The following TRPM3 variants were observed in gnomAD, a reference collection of about 807,000 sequenced individuals.
The protein encoded by TRPM3 is long transient receptor potential channel 3.
Under a neutral mutation model 181.2 loss-of-function variants are expected in TRPM3, and 77 were observed. That is an observed-to-expected ratio of 0.42 (90% CI 0.35 to 0.51). The LOEUF (loss-of-function observed/expected upper bound fraction) is 0.51, where lower values mean the gene tolerates loss of function less well. TRPM3 is among the 20% of genes least tolerant of loss of function. TRPM3 has a pLI of 0.01. For missense variants in TRPM3, 1,759 were observed against 2,196.7 expected, an observed-to-expected ratio of 0.80 and a Z score of 3.98; for synonymous variants, 745 against 796.4, an observed-to-expected ratio of 0.94 and a Z score of 1.09.
chr9:70,867,455 T>A (rs1263848140), intron 1 of TRPM3, among the ~76,000 whole-genome samples: 1 of 152,054 alleles, frequency 6.6e-6, no homozygotes, highest in Non-Finnish European at 1.5e-5. Context: ...AGTAATTTAA[T>A]TTGTGTGTAG....
chr9:70,586,185 C>T (rs1018533744), intron 22 of TRPM3, among the ~76,000 whole-genome samples: 2 of 152,208 alleles, frequency 1.3e-5, no homozygotes, highest in Non-Finnish European at 2.9e-5. Flanking sequence ...TCAATGGCAG[C>T]TTGCCTTTCC....
chr9:70,539,279 G>A (rs1317025107), intron 25 of TRPM3, among the ~76,000 whole-genome samples: 7 of 152,268 alleles, frequency 4.6e-5, no homozygotes. Flanking sequence ...CAAGAGGCAT[G>A]TGGATCTCTG....
At chr9:71,162,028 C>G (rs1230273869) in intron 1 of TRPM3, among the ~76,000 whole-genome samples, 2 of 151,226 alleles carry the variant, frequency 1.3e-5, no homozygotes, top group African/African-American at 4.9e-5. Context: ...ATGGTGAAAC[C>G]CCGTCTCTAC....
intron 9 of TRPM3, among the ~76,000 whole-genome samples, chr9:70,668,651 C>A (rs866097904): frequency 1.9e-4 from 22 of 116,062 alleles, no homozygotes; most frequent in African/African-American, 6.8e-4. Context: ...GGCGACAGAG[C>A]GAGACTCCGT....
At position 71,238,137 on chromosome 9, in the gene TRPM3, GT is replaced by G. The variant is rs111714974; in HGVS notation, c.183+208515del. On this transcript the variant is annotated intron_variant, in intron 1 of 24. Coordinates refer to the TRPM3 transcript ENST00000357533. ...ACCTCTTCTGCATTTCTAAAAAGTA[GT>G]TTTTTTTCTATGAAAAAACGCAGCA... 1.1e-3 allele frequency among the ~76,000 whole-genome samples: 162 copies of G among 151,950 alleles called. 1 individual carries two copies. The highest frequency in any genetic ancestry group is 7.3e-3 in the South Asian group (35 of 4,782).
chr9:70,750,190 C>T (rs2075878658), intron 8 of TRPM3, among the ~76,000 whole-genome samples: 1 of 152,106 alleles, frequency 6.6e-6, no homozygotes, highest in South Asian at 2.1e-4. Flanking sequence ...TAGCTGGATG[C>T]TCGCAGTTTC....
chr9:70,586,498 C>G (rs2057154602), intron 22 of TRPM3, among the ~76,000 whole-genome samples: 2 of 152,182 alleles, frequency 1.3e-5, no homozygotes, highest in South Asian at 4.1e-4. Flanking sequence ...AGCTGGCTTT[C>G]AGGGACAGAA....
Position 71,256,173 on chromosome 9 carries a change from CT to C in TRPM3, c.183+190479del, listed in dbSNP as rs780207314. 5.9e-5 allele frequency among the ~76,000 whole-genome samples: 9 copies of C among 152,182 alleles called. No individual in the cohort carries two copies. In the East Asian group the frequency reaches 1.2e-3, roughly 20 times the overall value. ...TGCTCAACATTTGATTGGAGAGCATCTTTTTGAGGAGGAAATGGAGTTGGAA... is the reference window on the plus strand; with the variant it reads ...TGCTCAACATTTGATTGGAGAGCATCTTTTGAGGAGGAAATGGAGTTGGAA... On this transcript the variant is annotated intron_variant, in intron 1 of 24. Transcript: ENST00000357533.
chr9:71,444,926 A>G (rs2131696619), intron 1 of TRPM3, among the ~76,000 whole-genome samples: 1 of 152,378 alleles, frequency 6.6e-6, no homozygotes, highest in South Asian at 2.1e-4. Flanking sequence ...TGTGAGAATA[A>G]GCACAGGCTT....
At chr9:71,198,966 T>C (rs2078588680) in intron 1 of TRPM3, among the ~76,000 whole-genome samples, 1 of 123,534 alleles carries the variant, frequency 8.1e-6, no homozygotes, top group Middle Eastern at 3.7e-3. Context: ...TCAAAGGGAA[T>C]GCTTCCAGTT....
At position 70,616,089 on chromosome 9, in the gene TRPM3, A is replaced by G. The variant is rs1457950558; in HGVS notation, c.2359-14T>C. On this transcript the variant is annotated splice_polypyrimidine_tract_variant and intron_variant, in intron 17 of 25. Transcript: ENST00000677713. ...TCCCAGAATTACCTAAAGTAATAAT[A>G]ATGATAATAATAATAATCACATTTA... 2 of 1,519,714 alleles carry G rather than the reference A, an allele frequency of 1.3e-6. No homozygotes were observed. The highest frequency in any genetic ancestry group is 1.8e-6 in the Non-Finnish European group (2 of 1,128,346). The allele number at this position is 1,519,714 out of a possible 1,614,324, so 94.1% of individuals were successfully genotyped here.
intron 7 of TRPM3, chr9:70,775,044 G>C (rs1202274578): frequency 6.6e-6 from 1 of 152,126 alleles, no homozygotes; most frequent in East Asian, 1.9e-4. Context: ...AATTGCATGA[G>C]GAATCTGGAG....
In TRPM3 at chr9:70,620,064, G is replaced by A; in HGVS notation, c.2129+12C>T. 1 of 1,595,668 alleles carries A rather than the reference G, an allele frequency of 6.3e-7. No individual in the cohort carries two copies. The highest frequency in any genetic ancestry group is 1.1e-5 in the South Asian group (1 of 88,694). On this transcript the variant is annotated intron_variant, in intron 16 of 25. Coordinates refer to ENST00000677713, the MANE Select transcript of TRPM3 (RefSeq NM_001366145.2). ...CTCCCCCTGACCAGCCCATTTTGCT[G>A]GGCGGACCCACCTGGAATTGTGATT...
chr9:70,749,946 C>T (rs776858554), intron 8 of TRPM3, among the ~76,000 whole-genome samples: 4 of 152,120 alleles, frequency 2.6e-5, no homozygotes, highest in Admixed American at 6.5e-5. Context: ...TCTTTCTTGA[C>T]AGTCACTGCA....
chr9:70,924,339 T>C (rs1378579421), intron 1 of TRPM3, among the ~76,000 whole-genome samples: 1 of 152,200 alleles, frequency 6.6e-6, no homozygotes, highest in Non-Finnish European at 1.5e-5. Context: ...ATTTATTTTT[T>C]ACTTACAATT....
intron 1 of TRPM3, among the ~76,000 whole-genome samples, chr9:70,960,789 A>T (rs969066185): frequency 6.6e-6 from 1 of 152,102 alleles, no homozygotes; most frequent in Non-Finnish European, 1.5e-5. Flanking sequence ...AACACTCTCC[A>T]CATCAGTCTC....
chr9:71,410,465 G>T (rs1440075487), intron 1 of TRPM3, among the ~76,000 whole-genome samples: 1 of 152,128 alleles, frequency 6.6e-6, no homozygotes, highest in African/African-American at 2.4e-5. Context: ...TACCATCAGA[G>T]AATACTATAA....
intron 1 of TRPM3, among the ~76,000 whole-genome samples, chr9:71,384,693 A>G (rs1412708866): frequency 2.6e-5 from 4 of 152,256 alleles, no homozygotes; most frequent in Admixed American, 2.6e-4. Flanking sequence ...CAATGCCAGA[A>G]AGAAAAGCAT....
chr9:71,309,394 A>G lies in TRPM3; in HGVS notation c.183+137259T>C, dbSNP rs531451538. On this transcript the variant is annotated intron_variant, in intron 1 of 24. Transcript: ENST00000357533. Reference sequence around the variant, plus strand: ...TTTTTTCCAGAAGGATACCAATTCAATAGCTTGATATTTAATGCAGGCAAA... The same window carrying G: ...TTTTTTCCAGAAGGATACCAATTCAGTAGCTTGATATTTAATGCAGGCAAA... 1.0e-3 allele frequency among the ~76,000 whole-genome samples: 153 copies of G among 152,326 alleles called. 1 individual carries two copies. Among genetic ancestry groups the G allele is most frequent in the Middle Eastern group, 3.4e-3 (1 of 294 alleles).
Sources: allele counts gnomAD v4.1 joint callset (sites outside exome capture counted in the v4.1 genomes callset), GRCh38; gene constraint gnomAD v4.1.1; transcripts MANE v1.5; gene names NCBI Gene and HGNC (gene_info 2026-07-23, HGNC 2026-07-21).